CDC42SE2: variants seen among roughly 807,000 people sequenced by gnomAD.
The protein encoded by CDC42SE2 is CDC42 small effector protein 2.
A neutral mutation model predicts 11.5 loss-of-function variants in CDC42SE2; 3 were observed. That is an observed-to-expected ratio of 0.26 (90% CI 0.12 to 0.67). The LOEUF is 0.67. CDC42SE2 is among the 30% of genes least tolerant of loss of function. The pLI, the probability that CDC42SE2 is intolerant of heterozygous loss-of-function variation, is 0.80. For synonymous variants in CDC42SE2, 33 were observed against 34.8 expected (o/e 0.95, Z 0.18); for missense variants, 82 against 106.8 (o/e 0.77, Z 1.02).
intron 3 of CDC42SE2, among the ~76,000 whole-genome samples, chr5:131,367,760 C>CT (rs1226563094): frequency 1.3e-5 from 2 of 151,978 alleles, no homozygotes; most frequent in East Asian, 3.9e-4. Context: ...AACAAAGTAC[C>CT]TTTTTTGGCT....
intron 3 of CDC42SE2, among the ~76,000 whole-genome samples, chr5:131,366,949 G>A (rs1012256823): frequency 6.6e-6 from 1 of 151,934 alleles, no homozygotes; most frequent in South Asian, 2.1e-4. Context: ...GATTGCTTGA[G>A]CTGGGAGGTT....
intron 2 of CDC42SE2, among the ~76,000 whole-genome samples, chr5:131,346,168 T>C (rs1229961684): frequency 1.3e-5 from 2 of 152,222 alleles, no homozygotes; most frequent in Non-Finnish European, 2.9e-5. Flanking sequence ...ACCTTAAATG[T>C]AAATGGGCTA....
intron 1 of CDC42SE2, among the ~76,000 whole-genome samples, chr5:131,275,350 G>A (rs1349906161): frequency 6.6e-6 from 1 of 150,768 alleles, no homozygotes; most frequent in African/African-American, 2.4e-5. Context: ...AGGCTAGAGT[G>A]CGGTGGTGTG....
rs116720259 is a variant in CDC42SE2, at chr5:131,278,192, T to G, written c.-455+14026T>G. Among the ~76,000 whole-genome samples, 725 of 152,236 alleles carry G rather than the reference T, an allele frequency of 4.8e-3. 10 individuals carry two copies. The highest frequency in any genetic ancestry group is 0.017 in the African/African-American group (688 of 41,530). On this transcript the variant is annotated intron_variant, in intron 1 of 4. Coordinates refer to ENST00000505065, the MANE Select transcript of CDC42SE2 (RefSeq NM_001375635.1). ...AGAGATGGGGTTTCTCCTTGTTGGCTAGGCTAGTTGAGAATGTGATCCACA... is the reference window on the plus strand; with the variant it reads ...AGAGATGGGGTTTCTCCTTGTTGGCGAGGCTAGTTGAGAATGTGATCCACA...
chr5:131,347,948 G>C (rs139398895), intron 2 of CDC42SE2, among the ~76,000 whole-genome samples: 3 of 152,156 alleles, frequency 2.0e-5, no homozygotes, highest in East Asian at 3.9e-4. Flanking sequence ...ATTCAACAAC[G>C]CTTCATGCTA....
At chr5:131,312,209 G>A (rs1757935216) in intron 1 of CDC42SE2, among the ~76,000 whole-genome samples, 2 of 151,756 alleles carry the variant, frequency 1.3e-5, no homozygotes, top group East Asian at 2.0e-4. Flanking sequence ...TGCTGTGTGA[G>A]GTGTCAGTGT....
At chr5:131,265,782 A>G (rs935867672) in intron 1 of CDC42SE2, among the ~76,000 whole-genome samples, 4 of 152,212 alleles carry the variant, frequency 2.6e-5, no homozygotes, top group African/African-American at 9.6e-5. Flanking sequence ...ACATTTTAAA[A>G]TGAAGGGAGG....
intron 1 of CDC42SE2, among the ~76,000 whole-genome samples, chr5:131,265,934 C>G (rs1005467520): frequency 6.6e-6 from 1 of 152,114 alleles, no homozygotes; most frequent in Non-Finnish European, 1.5e-5. Flanking sequence ...TTTTAAAAAT[C>G]CCCAGAGATA....
chr5:131,393,174 C>CTTAA lies in CDC42SE2; in HGVS notation c.*2088_*2091dup, dbSNP rs1178242800. ...TTAACATTTCATATAACAAATGGGG[C>CTTAA]TTAATTAAAAACTTTAACTTGGAAT... On this transcript the variant is annotated 3_prime_UTR_variant, in exon 5 of 5. Coordinates refer to ENST00000505065, the MANE Select transcript of CDC42SE2 (RefSeq NM_001375635.1). 7 of 152,264 alleles carry CTTAA rather than the reference C, an allele frequency of 4.6e-5. No homozygotes were observed. Among genetic ancestry groups the CTTAA allele is most frequent in the African/African-American group, 1.4e-4 (6 of 41,392 alleles). The allele number at this position is 152,264 out of a possible 1,614,324, so 9.4% of individuals were successfully genotyped here. A position where few individuals can be genotyped will look rare whatever the true frequency, so the allele number is the denominator to read the frequency against.
intron 1 of CDC42SE2, among the ~76,000 whole-genome samples, chr5:131,254,202 A>C (rs1211312072): frequency 6.6e-6 from 1 of 152,108 alleles, no homozygotes; most frequent in Non-Finnish European, 1.5e-5. Context: ...ACCTCCCCCC[A>C]GCAGGCCCTG....
intron 1 of CDC42SE2, among the ~76,000 whole-genome samples, chr5:131,306,324 A>G (rs957646201): frequency 1.9e-4 from 29 of 152,150 alleles, no homozygotes; most frequent in African/African-American, 7.0e-4. Context: ...TCCCTCACAG[A>G]TAAGGGGAGA....
At chr5:131,366,863 CA>C (rs1369667874) in intron 3 of CDC42SE2, among the ~76,000 whole-genome samples, 1 of 151,618 alleles carries the variant, frequency 6.6e-6, no homozygotes. Context: ...CTTGTCTCTA[CA>C]AAAAATTTTA....
At chr5:131,226,977 A>G in the CDC42SE2 span, among the ~76,000 whole-genome samples, 2 of 152,222 alleles carry the variant, frequency 1.3e-5, no homozygotes, top group Non-Finnish European at 2.9e-5. Flanking sequence ...TATCTGAGTT[A>G]CTAATATGAT....
intron 1 of CDC42SE2, among the ~76,000 whole-genome samples, chr5:131,303,539 G>A (rs548444745): frequency 1.3e-5 from 2 of 152,200 alleles, no homozygotes; most frequent in South Asian, 2.1e-4. Context: ...CTTAAAAATC[G>A]ATTTTATTTT....
chr5:131,268,754 CTTT>C (rs11370516), intron 1 of CDC42SE2, among the ~76,000 whole-genome samples: 1 of 96,874 alleles, frequency 1.0e-5, no homozygotes, highest in African/African-American at 4.3e-5. Flanking sequence ...ACCCGGATTG[CTTT>C]TTTTTTTTTT....
chr5:131,319,929 T>C (rs1280396771), intron 2 of CDC42SE2, among the ~76,000 whole-genome samples: 2 of 151,638 alleles, frequency 1.3e-5, no homozygotes, highest in Non-Finnish European at 2.9e-5. Context: ...CGGGTGCCTG[T>C]AGTTCCAGCT....
intron 3 of CDC42SE2, among the ~76,000 whole-genome samples, chr5:131,377,221 T>C (rs1466905766): frequency 6.6e-6 from 1 of 151,526 alleles, no homozygotes; most frequent in Non-Finnish European, 1.5e-5. Context: ...TTGCCCAGGC[T>C]GGAGTGATGT....
intron 3 of CDC42SE2, among the ~76,000 whole-genome samples, chr5:131,381,881 A>G (rs190286928): frequency 9.2e-5 from 14 of 152,264 alleles, no homozygotes; most frequent in African/African-American, 2.6e-4. Context: ...TACAAACTCT[A>G]TGTGATCTGG....
chr5:131,234,570 A>G, the CDC42SE2 span, among the ~76,000 whole-genome samples: 1 of 151,250 alleles, frequency 6.6e-6, no homozygotes, highest in Non-Finnish European at 1.5e-5. Context: ...TGGGCGGCAG[A>G]GGTTGCAGTG....
Sources: gnomAD v4.1 joint callset for allele counts (sites outside exome capture counted in the v4.1 genomes callset) on GRCh38, gnomAD v4.1.1 for gene constraint, MANE v1.5 for transcripts, NCBI Gene and HGNC (gene_info 2026-07-23, HGNC 2026-07-21) for gene names.